Variants in PCDH7 observed in about 807,000 individuals in gnomAD.
PCDH7 encodes protocadherin-7.
PCDH7 carries 17 observed loss-of-function variants against 58.9 expected under a neutral mutation model. That is an observed-to-expected ratio of 0.29 (90% confidence interval 0.20 to 0.43). The LOEUF (loss-of-function observed/expected upper bound fraction) is 0.43, where lower values mean the gene tolerates loss of function less well. Among genes scored for constraint, PCDH7 ranks in the 20% least tolerant of loss-of-function variants. The probability of loss-of-function intolerance (pLI) is 1.00; values close to 1 mark genes in which losing one functional copy is unlikely to be tolerated. For missense variants in PCDH7, 1,274 were observed against 1,441.0 expected, an observed-to-expected ratio of 0.88 and a Z score of 1.88; for synonymous variants, 664 against 616.4, an observed-to-expected ratio of 1.08 and a Z score of -1.14.
intron 1 of PCDH7, among the ~76,000 whole-genome samples, chr4:30,841,820 G>A (rs1731251434): frequency 6.6e-6 from 1 of 152,084 alleles, no homozygotes; most frequent in Non-Finnish European, 1.5e-5. Flanking sequence ...TGGGGATAGT[G>A]TAGTTACAAA....
At chr4:30,874,547 G>T (rs1736042604) in intron 1 of PCDH7, among the ~76,000 whole-genome samples, 1 of 151,450 alleles carries the variant, frequency 6.6e-6, no homozygotes, top group African/African-American at 2.4e-5. Context: ...TTGTGGGGTG[G>T]GGGGTGGAGG....
At chr4:30,740,133 T>C (rs1342337600) in intron 1 of PCDH7, among the ~76,000 whole-genome samples, 1 of 152,196 alleles carries the variant, frequency 6.6e-6, no homozygotes, top group Non-Finnish European at 1.5e-5. Context: ...AACTGAAGTT[T>C]AGGTAAGGAC....
chr4:30,813,225 C>T (rs2109315169), intron 1 of PCDH7, among the ~76,000 whole-genome samples: 1 of 152,246 alleles, frequency 6.6e-6, no homozygotes, highest in East Asian at 1.9e-4. Context: ...GATCTATTAG[C>T]TTTTAAAACA....
At chr4:30,889,423 T>A (rs1411167994) in intron 1 of PCDH7, among the ~76,000 whole-genome samples, 3 of 152,058 alleles carry the variant, frequency 2.0e-5, no homozygotes, top group African/African-American at 7.2e-5. Context: ...TTTCAGAATG[T>A]AAAACACCAA....
chr4:31,108,101 C>T (rs1318878769), intron 3 of PCDH7, among the ~76,000 whole-genome samples: 1 of 151,952 alleles, frequency 6.6e-6, no homozygotes, highest in Admixed American at 6.6e-5. Flanking sequence ...CTGATGCTAG[C>T]CAAAGGCAAA....
At chr4:30,824,630 G>A (rs1728877041) in intron 1 of PCDH7, among the ~76,000 whole-genome samples, 1 of 152,012 alleles carries the variant, frequency 6.6e-6, no homozygotes, top group African/African-American at 2.4e-5. Context: ...CAAGAGTACG[G>A]TTTTATCAGG....
chr4:30,803,759 G>A (rs1012426824), intron 1 of PCDH7, among the ~76,000 whole-genome samples: 2 of 152,196 alleles, frequency 1.3e-5, no homozygotes, highest in African/African-American at 4.8e-5. Flanking sequence ...CACTGATGTA[G>A]TACTGTGGAT....
At chr4:31,140,205 C>A (rs192720866) in intron 3 of PCDH7, among the ~76,000 whole-genome samples, 2 of 152,186 alleles carry the variant, frequency 1.3e-5, no homozygotes, top group East Asian at 3.9e-4. Flanking sequence ...GAATTACAAG[C>A]TGTTTATAAT....
At chr4:30,749,622 TA>T (rs1206185052) in intron 1 of PCDH7, among the ~76,000 whole-genome samples, 2 of 152,188 alleles carry the variant, frequency 1.3e-5, no homozygotes, top group East Asian at 3.8e-4. Context: ...ACTGCTCTTC[TA>T]AGGGGAAGAA....
At chr4:31,001,474 A>C (rs1560567908) in intron 3 of PCDH7, among the ~76,000 whole-genome samples, 1 of 152,214 alleles carries the variant, frequency 6.6e-6, no homozygotes, top group Non-Finnish European at 1.5e-5. Context: ...TCAGAGTGAA[A>C]ATTTTTTTAA....
At chr4:30,732,597 C>T (rs1290126787) in exon 2 of PCDH7, 1 of 152,038 alleles carries the variant, frequency 6.6e-6, no homozygotes, top group African/African-American at 2.4e-5. Context: ...CAGAGTACAT[C>T]ACCCATAGTA....
chr4:30,919,679 T>A (rs1228778088), intron 1 of PCDH7, among the ~76,000 whole-genome samples: 2 of 152,164 alleles, frequency 1.3e-5, no homozygotes, highest in Non-Finnish European at 2.9e-5. Context: ...CTTTGAACAG[T>A]TTAAGTCAAC....
At chr4:31,074,910 G>T (rs532360828) in intron 3 of PCDH7, among the ~76,000 whole-genome samples, 3 of 151,438 alleles carry the variant, frequency 2.0e-5, no homozygotes, top group East Asian at 2.0e-4. Context: ...ATAGGAATTA[G>T]GAGGAAATGT....
intron 3 of PCDH7, among the ~76,000 whole-genome samples, chr4:31,025,142 C>G (rs973269835): frequency 6.6e-6 from 1 of 152,118 alleles, no homozygotes; most frequent in South Asian, 2.1e-4. Flanking sequence ...ATTTTTTTAG[C>G]TGGTGTAATG....
At chr4:30,953,124 A>G (rs1318674903) in intron 3 of PCDH7, among the ~76,000 whole-genome samples, 1 of 152,110 alleles carries the variant, frequency 6.6e-6, no homozygotes, top group South Asian at 2.1e-4. Context: ...CATTTATAAG[A>G]CTTGCTTATC....
chr4:31,130,663 A>G (rs1349473955), intron 3 of PCDH7, among the ~76,000 whole-genome samples: 3 of 152,308 alleles, frequency 2.0e-5, no homozygotes, highest in South Asian at 4.1e-4. Context: ...GCAAAGCTGT[A>G]TTCCCTTTCT....
At chr4:30,818,744 C>A (rs1256620119) in intron 1 of PCDH7, among the ~76,000 whole-genome samples, 1 of 151,968 alleles carries the variant, frequency 6.6e-6, no homozygotes, top group African/African-American at 2.4e-5. Flanking sequence ...GATGATATGA[C>A]CAATAATAAA....
chr4:30,730,709 CG>C, intron 1 of PCDH7: 1 of 1,467,072 alleles, frequency 6.8e-7, no homozygotes, highest in Non-Finnish European at 9.3e-7. Flanking sequence ...ATTTCTTTAT[CG>C]ATTTTTTTTT....
intron 3 of PCDH7, among the ~76,000 whole-genome samples, chr4:30,985,840 G>T (rs1051784757): frequency 9.2e-5 from 14 of 151,932 alleles, no homozygotes; most frequent in Non-Finnish European, 1.9e-4. Flanking sequence ...CAAAAAGAAG[G>T]GTTTGAGCTA....
Sources: allele counts gnomAD v4.1 joint callset (sites outside exome capture counted in the v4.1 genomes callset), GRCh38; gene constraint gnomAD v4.1.1; transcripts MANE v1.5; gene names NCBI Gene and HGNC (gene_info 2026-07-23, HGNC 2026-07-21).